Variants in ZMIZ1 observed in about 807,000 individuals in gnomAD.
The protein encoded by ZMIZ1 is zinc finger MIZ-type containing 1.
In ZMIZ1, 17 loss-of-function variants were observed where a neutral mutation model predicts 113.9. The ratio of observed to expected loss-of-function variants is 0.15; its 90% CI spans 0.10 to 0.22. ZMIZ1 has a LOEUF of 0.22. Ranked by LOEUF, ZMIZ1 falls within the 10% of genes least tolerant of loss-of-function variation. The probability of loss-of-function intolerance (pLI) is 1.00; values close to 1 mark genes in which losing one functional copy is unlikely to be tolerated. For missense variants in ZMIZ1, 1,059 were observed against 1,477.8 expected, an observed-to-expected ratio of 0.72 and a Z score of 4.65; for synonymous variants, 607 against 603.1, an observed-to-expected ratio of 1.01 and a Z score of -0.09.
At chr10:79,290,698 C>A (rs187137023) in intron 9 of ZMIZ1, 3 of 672,070 alleles carry the variant, frequency 4.5e-6, no homozygotes, top group Non-Finnish European at 8.2e-6. Context: ...ACCGCTTGAA[C>A]TGGCTTTGTG....
At position 79,118,507 on chromosome 10, in the gene ZMIZ1, C is replaced by A. The variant is rs1040014166; in HGVS notation, c.-336-408C>A. On this transcript the variant is annotated intron_variant, in intron 1 of 24. Coordinates refer to ENST00000334512, the MANE Select transcript of ZMIZ1 (RefSeq NM_020338.4). This position sits in a 1 kb window ranked among gnomAD's most constrained non-coding sequence, Gnocchi z 4.1. ...GGTGAGAGAGGGCTCCACGGAAGCA[C>A]TTGAGCAGAGTCTCAAAGGCCAGGG... 6.6e-6 allele frequency among the ~76,000 whole-genome samples: 1 copy of A among 152,186 alleles called. No homozygotes were observed. Among genetic ancestry groups the A allele is most frequent in the Non-Finnish European group, 1.5e-5 (1 of 68,050 alleles).
intron 3 of ZMIZ1, among the ~76,000 whole-genome samples, chr10:79,152,631 C>A (rs1432744159): frequency 2.6e-5 from 4 of 152,282 alleles, no homozygotes; most frequent in Admixed American, 2.0e-4. Context: ...TCCGCCCTGC[C>A]CGGATCCCCA....
At chr10:79,236,904 G>C (rs1325593521) in intron 7 of ZMIZ1, among the ~76,000 whole-genome samples, 6 of 152,254 alleles carry the variant, frequency 3.9e-5, no homozygotes, top group Admixed American at 2.6e-4. Context: ...CATGGAGCTT[G>C]CCTTTTAGTG....
chr10:79,225,127 T>G (rs1225256253), intron 7 of ZMIZ1, among the ~76,000 whole-genome samples: 1 of 152,144 alleles, frequency 6.6e-6, no homozygotes, highest in African/African-American at 2.4e-5. Flanking sequence ...AGAGTCCCAG[T>G]GCATGCAGTA....
intron 4 of ZMIZ1, among the ~76,000 whole-genome samples, chr10:79,172,103 G>A (rs1046605797): frequency 6.6e-6 from 1 of 152,058 alleles, no homozygotes; most frequent in African/African-American, 2.4e-5. Flanking sequence ...CGAGGCCTCT[G>A]GGGCAGGGGC....
intron 1 of ZMIZ1, among the ~76,000 whole-genome samples, chr10:79,093,143 C>A (rs1489804272): frequency 2.3e-5 from 3 of 127,874 alleles, no homozygotes; most frequent in Non-Finnish European, 5.4e-5. Context: ...CCAACACACA[C>A]ACACACACAC....
chr10:79,181,355 AG>A, intron 4 of ZMIZ1, among the ~76,000 whole-genome samples: 1 of 152,220 alleles, frequency 6.6e-6, no homozygotes, highest in Non-Finnish European at 1.5e-5. Context: ...GCGGCTGGGC[AG>A]ATGCAGTTGT....
At chr10:79,090,555 A>T (rs1372518840) in intron 1 of ZMIZ1, among the ~76,000 whole-genome samples, 3 of 152,152 alleles carry the variant, frequency 2.0e-5, no homozygotes, top group Admixed American at 2.0e-4. Flanking sequence ...ATTTCTCCAG[A>T]AATCTGTGTC....
intron 3 of ZMIZ1, among the ~76,000 whole-genome samples, chr10:79,145,972 T>C (rs919385728): frequency 1.3e-5 from 2 of 152,220 alleles, no homozygotes; most frequent in African/African-American, 4.8e-5. Context: ...CCTCTCAATG[T>C]GCTGGGATTA....
At chr10:79,168,316 G>C (rs1011364769) in intron 4 of ZMIZ1, among the ~76,000 whole-genome samples, 3 of 152,220 alleles carry the variant, frequency 2.0e-5, no homozygotes, top group African/African-American at 4.8e-5. Flanking sequence ...TGCGGAGTTT[G>C]AGTGTACTGA....
In ZMIZ1 at chr10:79,290,674, C is replaced by CGCA. The variant is rs373865864; in HGVS notation, c.541-282_541-280dup. 9.8e-4 allele frequency: 619 copies of CGCA among 629,760 alleles called. 3 individuals carry two copies. In the African/African-American group the frequency reaches 9.8e-3, roughly 10 times the overall value. 39.0% of individuals were successfully genotyped at this position (629,760 alleles called of 1,614,324 possible). ...AGCCTCTTCTCCCTTCACTGGGCTG[C>CGCA]GCAGCCCCTGGGGACCGCTTGAACT... On this transcript the variant is annotated intron_variant, in intron 9 of 24. Transcript: ENST00000334512.
At chr10:79,109,455 C>G (rs1359614533) in intron 1 of ZMIZ1, among the ~76,000 whole-genome samples, 4 of 152,178 alleles carry the variant, frequency 2.6e-5, no homozygotes, top group African/African-American at 4.8e-5. Context: ...GTATAGAGTG[C>G]CCCAGTCCAG....
chr10:79,110,059 G>A (rs1282697634), intron 1 of ZMIZ1, among the ~76,000 whole-genome samples: 1 of 152,374 alleles, frequency 6.6e-6, no homozygotes, highest in African/African-American at 2.4e-5. Flanking sequence ...AGGCACTTGG[G>A]GGTGGCATGC....
chr10:79,259,244 G>A (rs577894251), intron 7 of ZMIZ1, among the ~76,000 whole-genome samples: 14 of 152,258 alleles, frequency 9.2e-5, no homozygotes, highest in Middle Eastern at 3.4e-3. Context: ...GGGAAGGGGG[G>A]GCTGGAGCTC....
intron 1 of ZMIZ1, among the ~76,000 whole-genome samples, chr10:79,115,340 C>A (rs1228734359): frequency 6.6e-6 from 1 of 152,204 alleles, no homozygotes; most frequent in Non-Finnish European, 1.5e-5. Context: ...TTTCCCTCTC[C>A]CAGCCTTGCC....
chr10:79,181,794 T>C (rs999982804), intron 4 of ZMIZ1, among the ~76,000 whole-genome samples: 1 of 152,162 alleles, frequency 6.6e-6, no homozygotes, highest in African/African-American at 2.4e-5. Context: ...ACAGTCCCCA[T>C]GGCATTTGTC....
chr10:79,147,296 G>A (rs558512745), intron 3 of ZMIZ1, among the ~76,000 whole-genome samples: 150 of 152,322 alleles, frequency 9.8e-4, no homozygotes, highest in African/African-American at 3.5e-3. Context: ...CACAGAGCTT[G>A]ATAACAGAGA....
intron 4 of ZMIZ1, among the ~76,000 whole-genome samples, chr10:79,191,242 C>A (rs1386715037): frequency 1.3e-5 from 2 of 152,004 alleles, no homozygotes; most frequent in African/African-American, 4.8e-5. Context: ...TGCAGAATGC[C>A]AGGTGGGATT....
At chr10:79,291,700 TCTC>T (rs1294076366) in intron 10 of ZMIZ1, among the ~76,000 whole-genome samples, 3 of 152,146 alleles carry the variant, frequency 2.0e-5, no homozygotes, top group Admixed American at 6.5e-5. Flanking sequence ...AGGTGCCCAT[TCTC>T]CTCTTTCCAC....
Sources: allele counts gnomAD v4.1 joint callset (sites outside exome capture counted in the v4.1 genomes callset), GRCh38; gene constraint gnomAD v4.1.1; non-coding constraint Gnocchi (gnomAD v3.1); transcripts MANE v1.5; gene names NCBI Gene and HGNC (gene_info 2026-07-23, HGNC 2026-07-21).